VPS53: variants seen among roughly 807,000 people sequenced by gnomAD.
VPS53 encodes VPS53 subunit of GARP complex, also known as vacuolar protein sorting-associated protein 53 homolog.
VPS53 carries 70 observed loss-of-function variants against 107.0 expected under a neutral mutation model. The observed-to-expected ratio is 0.65, with a 90% CI of 0.54 to 0.80. The LOEUF is 0.80. VPS53 is among the 30% of genes least tolerant of loss of function. The pLI, the probability that VPS53 is intolerant of heterozygous loss-of-function variation, is 0.00. For missense variants in VPS53, 917 were observed against 1,049.4 expected (o/e 0.87, Z 1.74); for synonymous variants, 409 against 393.3 (o/e 1.04, Z -0.47).
chr17:664,876 C>T (rs552455173), intron 4 of VPS53, among the ~76,000 whole-genome samples: 3 of 152,192 alleles, frequency 2.0e-5, no homozygotes, highest in East Asian at 3.9e-4. Flanking sequence ...GGATGACGCC[C>T]GGGTTTTGGT....
intron 18 of VPS53, chr17:536,437 A>C (rs1157667661): frequency 6.6e-6 from 1 of 152,230 alleles, no homozygotes; most frequent in Non-Finnish European, 1.5e-5. Context: ...ATCCCTGAAA[A>C]AGAATTTTAA....
In VPS53 at chr17:696,791, C is replaced by CTTTTT. The variant is rs67948585; in HGVS notation, c.285+622_285+626dup. 1.1e-4 allele frequency among the ~76,000 whole-genome samples: 12 copies of CTTTTT among 113,768 alleles called. 1 individual carries two copies. The highest frequency in any genetic ancestry group is 1.5e-4 in the Non-Finnish European group (9 of 60,226). The allele number at this position is 113,768 out of a possible 152,430, so 74.6% of individuals were successfully genotyped here. On this transcript the variant is annotated intron_variant, in intron 4 of 21. Coordinates refer to ENST00000437048, the MANE Select transcript of VPS53 (RefSeq NM_001128159.3). ...ACTAGATCCAATAAGACTTATAAAA[C>CTTTTT]TTTTTTTTTTTTTTTTTTTTGAGAC...
At chr17:688,907 T>C (rs1972684067) in intron 4 of VPS53, among the ~76,000 whole-genome samples, 1 of 152,200 alleles carries the variant, frequency 6.6e-6, no homozygotes, top group Admixed American at 6.5e-5. Flanking sequence ...TTTAGTGTTA[T>C]TTGCAGACAT....
intron 2 of VPS53, among the ~76,000 whole-genome samples, chr17:700,987 A>G (rs569370920): frequency 6.6e-6 from 1 of 152,288 alleles, no homozygotes; most frequent in Admixed American, 6.5e-5. Flanking sequence ...CCAAGCCAAC[A>G]GTTACTCAGA....
At chr17:658,918 C>T (rs918739757) in intron 5 of VPS53, among the ~76,000 whole-genome samples, 1 of 152,096 alleles carries the variant, frequency 6.6e-6, no homozygotes, top group African/African-American at 2.4e-5. Flanking sequence ...AGCTCAATTC[C>T]ACACCTATGA....
intron 19 of VPS53, among the ~76,000 whole-genome samples, chr17:527,617 T>A (rs942224995): frequency 1.9e-4 from 29 of 152,200 alleles, no homozygotes; most frequent in African/African-American, 6.8e-4. Context: ...CTCTTTTAAA[T>A]TATTATTATG....
In VPS53 at chr17:712,111, C is replaced by T. The variant is rs529982329; in HGVS notation, c.88-1498G>A. On this transcript the variant is annotated intron_variant, in intron 1 of 21. Transcript: ENST00000437048. Reference sequence around the variant, plus strand: ...GATTACAGGCGTGAGCCTCCACACCCGGCCTTCATGGGCAATTTAAAGAAC... The same window carrying T: ...GATTACAGGCGTGAGCCTCCACACCTGGCCTTCATGGGCAATTTAAAGAAC... Among the ~76,000 whole-genome samples, 7 of 150,772 alleles carry T rather than the reference C, an allele frequency of 4.6e-5. No homozygotes were observed. In the East Asian group the frequency reaches 1.4e-3, roughly 30 times the overall value.
chr17:565,936 G>A (rs1329482854), intron 13 of VPS53, among the ~76,000 whole-genome samples: 2 of 152,204 alleles, frequency 1.3e-5, no homozygotes, highest in African/African-American at 4.8e-5. Flanking sequence ...GGGCGCGGTG[G>A]CTCACGCCTG....
chr17:646,804 CGTG>C (rs1970733007), intron 7 of VPS53, among the ~76,000 whole-genome samples: 3 of 57,450 alleles, frequency 5.2e-5, no homozygotes, highest in African/African-American at 1.8e-4. Context: ...CACACATCTC[CGTG>C]ACCGCGTGGC....
chr17:521,311 A>G (rs2151793466), intron 20 of VPS53, among the ~76,000 whole-genome samples: 1 of 152,336 alleles, frequency 6.6e-6, no homozygotes, highest in African/African-American at 2.4e-5. Context: ...GATCCCTGAC[A>G]TACACTGATT....
chr17:550,737 G>A (rs1911742778), intron 17 of VPS53, among the ~76,000 whole-genome samples: 1 of 151,924 alleles, frequency 6.6e-6, no homozygotes, highest in African/African-American at 2.4e-5. Context: ...GTGCACTTAC[G>A]GAATTGACAT....
Position 698,889 on chromosome 17 carries a change from C to T in VPS53, c.218+442G>A, listed in dbSNP as rs538881585. ...CATATGGATAAAATAATTATATGGC[C>T]GGGTGCGGTGGCTCACCCCTGTCAT... On this transcript the variant is annotated intron_variant, in intron 3 of 21. Coordinates refer to ENST00000437048, the MANE Select transcript of VPS53 (RefSeq NM_001128159.3). Among the ~76,000 whole-genome samples the T allele has an allele frequency of 1.2e-4, 18 of 152,122 alleles. No individual in the cohort carries two copies. The Middle Eastern group carries it at 0.014, about 115-fold the overall frequency.
intron 12 of VPS53, among the ~76,000 whole-genome samples, chr17:588,987 G>A (rs979912297): frequency 6.6e-6 from 1 of 151,994 alleles, no homozygotes; most frequent in Non-Finnish European, 1.5e-5. Context: ...AACTCTATAG[G>A]ACTAGATATC....
chr17:574,686 A>G (rs1914452239), intron 13 of VPS53, among the ~76,000 whole-genome samples: 1 of 151,974 alleles, frequency 6.6e-6, no homozygotes, highest in African/African-American at 2.4e-5. Context: ...GACTGCTGAA[A>G]CCCAGGAGGT....
At chr17:707,520 CAAAAA>C (rs59159505) in intron 2 of VPS53, among the ~76,000 whole-genome samples, 1 of 95,402 alleles carries the variant, frequency 1.0e-5, no homozygotes, top group Admixed American at 1.1e-4. Context: ...GACTTTGTCT[CAAAAA>C]AAAAAAAAAA....
At chr17:706,551 A>T (rs1202036462) in intron 2 of VPS53, among the ~76,000 whole-genome samples, 1 of 152,058 alleles carries the variant, frequency 6.6e-6, no homozygotes, top group Non-Finnish European at 1.5e-5. Flanking sequence ...AAAAAAAAAA[A>T]AATTACACAA....
At chr17:610,695 C>T (rs1232977142) in intron 11 of VPS53, among the ~76,000 whole-genome samples, 1 of 150,296 alleles carries the variant, frequency 6.7e-6, no homozygotes, top group Non-Finnish European at 1.5e-5. Flanking sequence ...GCGGGTGGAT[C>T]ACTTGAGGCC....
chr17:543,294 C>G (rs1217237800), intron 17 of VPS53, among the ~76,000 whole-genome samples: 2 of 152,212 alleles, frequency 1.3e-5, no homozygotes, highest in Non-Finnish European at 2.9e-5. Flanking sequence ...GACTTGAGAA[C>G]TCTTCTACCT....
At chr17:693,619 A>G (rs925706355) in intron 4 of VPS53, among the ~76,000 whole-genome samples, 2 of 152,182 alleles carry the variant, frequency 1.3e-5, no homozygotes, top group African/African-American at 4.8e-5. Flanking sequence ...CTGTAGTCCT[A>G]GCTACTTCGG....
Sources: allele counts gnomAD v4.1 joint callset (sites outside exome capture counted in the v4.1 genomes callset), GRCh38; gene constraint gnomAD v4.1.1; transcripts MANE v1.5; gene names NCBI Gene and HGNC (gene_info 2026-07-23, HGNC 2026-07-21).